LAMA2: variants seen among roughly 807,000 people sequenced by gnomAD.
LAMA2 encodes the protein laminin subunit alpha-2.
In LAMA2, 269 loss-of-function variants were observed where a neutral mutation model predicts 364.8. The ratio of observed to expected loss-of-function variants is 0.74; its 90% confidence interval spans 0.67 to 0.82. The LOEUF (loss-of-function observed/expected upper bound fraction) is 0.82. Among genes scored for constraint, LAMA2 ranks in the 40% least tolerant of loss-of-function variants. LAMA2 has a pLI of 0.00. For synonymous variants in LAMA2, 1,379 were observed against 1,370.6 expected (o/e 1.01, Z -0.14); for missense variants, 3,807 against 3,873.2 (o/e 0.98, Z 0.45).
In LAMA2 at chr6:129,297,862, A is replaced by C. The variant is rs1773291165; in HGVS notation, c.3034A>C (p.Thr1012Pro). 1.2e-6 allele frequency: 2 copies of C among 1,613,390 alleles called. No homozygotes were observed. The highest frequency in any genetic ancestry group is 1.3e-5 in the African/African-American group (1 of 75,042). The change falls in exon 21 of 65, where the codon ACA (threonine) becomes CCA (proline). Residue 1012 changes from threonine (T) to proline (P), a missense_variant. This residue lies in a region of LAMA2 where 3,333 missense variants were observed against 3,345.7 expected (regional missense o/e 1.00). Coordinates refer to ENST00000421865, the MANE Select transcript of LAMA2 (RefSeq NM_000426.4). ...GYFNFQEGGC[T>P]ACECSHLGNN... ...TTTCAACTTCCAAGAAGGAGGCTGC[A>C]CAGGTCTGTAAATATGACTTAAGTC...
chr6:129,022,715 G>A (rs1785519004), intron 1 of LAMA2, among the ~76,000 whole-genome samples: 1 of 151,982 alleles, frequency 6.6e-6, no homozygotes, highest in South Asian at 2.1e-4. Context: ...TCAATAATAA[G>A]CAAAAACAAT....
At chr6:129,230,929 C>T (rs1236301747) in intron 12 of LAMA2, among the ~76,000 whole-genome samples, 1 of 152,064 alleles carries the variant, frequency 6.6e-6, no homozygotes, top group African/African-American at 2.4e-5. Flanking sequence ...ACAAGTCTTT[C>T]TTTTATAGGA....
intron 29 of LAMA2, among the ~76,000 whole-genome samples, chr6:129,336,804 A>G (rs1775983873): frequency 1.3e-5 from 2 of 152,212 alleles, no homozygotes; most frequent in South Asian, 4.1e-4. Flanking sequence ...CACTCTAGTG[A>G]TATCTCCAAT....
At chr6:129,255,859 C>G (rs1450565601) in intron 14 of LAMA2, among the ~76,000 whole-genome samples, 1 of 152,136 alleles carries the variant, frequency 6.6e-6, no homozygotes, top group Admixed American at 6.5e-5. Flanking sequence ...ACTGATAACA[C>G]TAGGACTTAA....
intron 29 of LAMA2, among the ~76,000 whole-genome samples, chr6:129,330,568 G>A (rs1202532087): frequency 1.4e-5 from 2 of 144,542 alleles, no homozygotes; most frequent in Non-Finnish European, 3.0e-5. Context: ...GTCTCCATTT[G>A]AAGCGTTTTT....
chr6:129,494,723 C>G (rs1323801727), intron 58 of LAMA2, among the ~76,000 whole-genome samples: 1 of 152,156 alleles, frequency 6.6e-6, no homozygotes, highest in Non-Finnish European at 1.5e-5. Flanking sequence ...CTAAAGCATT[C>G]CTGAGATCTG....
intron 32 of LAMA2, among the ~76,000 whole-genome samples, chr6:129,356,484 T>C (rs570642767): frequency 1.3e-5 from 2 of 152,216 alleles, no homozygotes; most frequent in East Asian, 3.9e-4. Context: ...AACATTCCCA[T>C]TCCTTATCAT....
Position 129,266,961 on chromosome 6 carries a change from G to A in LAMA2, c.2209-145G>A, listed in dbSNP as rs2114344120. 6 of 731,640 alleles carry A rather than the reference G, an allele frequency of 8.2e-6. No homozygotes were observed. The East Asian group carries it at 1.5e-4, about 18-fold the overall frequency. The allele number at this position is 731,640 out of a possible 1,614,324, so 45.3% of individuals were successfully genotyped here. ...TCAGGAGGAATAGCTCTGTTGCAAT[G>A]TTTCAATAATGGCAATGCTTTGACA... On this transcript the variant is annotated intron_variant, in intron 15 of 64. Transcript: ENST00000421865.
intron 45 of LAMA2, among the ~76,000 whole-genome samples, chr6:129,450,826 T>G (rs1397658004): frequency 6.6e-6 from 1 of 152,200 alleles, no homozygotes; most frequent in East Asian, 1.9e-4. Context: ...TACTCATGAA[T>G]TCCAGTCAGA....
intron 35 of LAMA2, 74 bp downstream of exon 35, chr6:129,383,307 G>T: frequency 8.7e-7 from 1 of 1,145,276 alleles, no homozygotes; most frequent in South Asian, 1.3e-5. Context: ...CACAGGACTG[G>T]AATTTCTCTT....
intron 31 of LAMA2, among the ~76,000 whole-genome samples, chr6:129,351,569 A>G (rs114300920): frequency 2.0e-5 from 3 of 152,152 alleles, no homozygotes; most frequent in Non-Finnish European, 2.9e-5. Context: ...TAACCTTCCA[A>G]ATAAATTTGT....
At chr6:129,257,135 G>T (rs528407253) in intron 14 of LAMA2, among the ~76,000 whole-genome samples, 4 of 151,690 alleles carry the variant, frequency 2.6e-5, no homozygotes, top group Admixed American at 6.6e-5. Context: ...CTAAAATTTA[G>T]TACTATATTA....
chr6:129,052,228 C>T (rs1443131696), intron 2 of LAMA2, among the ~76,000 whole-genome samples: 2 of 150,622 alleles, frequency 1.3e-5, no homozygotes, highest in African/African-American at 2.4e-5. Context: ...CTCCGCCTCC[C>T]GGGTTCACGC....
At chr6:129,098,565 A>G in intron 4 of LAMA2, 150 bp downstream of exon 4, 1 of 908,228 alleles carries the variant, frequency 1.1e-6, no homozygotes. Flanking sequence ...AATAAAAAAG[A>G]AAAACCTGAG....
At chr6:129,200,340 G>T (rs921918757) in intron 12 of LAMA2, among the ~76,000 whole-genome samples, 6 of 116,274 alleles carry the variant, frequency 5.2e-5, no homozygotes, top group African/African-American at 2.5e-4. Flanking sequence ...ACATATACAC[G>T]TATATGTGTA....
chr6:129,187,683 T>C (rs182376626), intron 10 of LAMA2, among the ~76,000 whole-genome samples: 29 of 151,922 alleles, frequency 1.9e-4, no homozygotes, highest in Admixed American at 1.4e-3. Context: ...ACCAGAAATG[T>C]TTCCGATTTG....
At position 129,454,278 on chromosome 6, in the gene LAMA2, G is replaced by A. The variant is rs150945378; in HGVS notation, c.6697G>A (p.Val2233Ile). The change falls in exon 47 of 65, where the codon GTA becomes ATA. Residue 2233 changes from valine to isoleucine, a missense_variant. Physicochemically the swap from Val to Ile is conservative, Grantham distance 29. Around this residue, in one of 3 missense-constraint regions of LAMA2, gnomAD observed 3,333 missense variants for 3,345.7 expected, o/e 1.00. Transcript: ENST00000421865. ...TGATGACTCATATTGGTACCGTATC[G>A]TAGCATCAAGGTAACCAACTTAATA... ...TIDDSYWYRI[V>I]ASRTGRNGTI... The A allele has an allele frequency of 1.9e-4, 308 of 1,611,000 alleles. 1 individual carries two copies. In the African/African-American group the frequency reaches 3.0e-3, roughly 16 times the overall value.
chr6:129,209,207 C>T (rs1321031506), intron 12 of LAMA2, among the ~76,000 whole-genome samples: 1 of 152,044 alleles, frequency 6.6e-6, no homozygotes, highest in Non-Finnish European at 1.5e-5. Context: ...AGCAAAAATG[C>T]TTTATTTTGC....
chr6:129,042,013 A>AAAAAAT (rs1367921717), intron 1 of LAMA2, among the ~76,000 whole-genome samples: 2 of 149,928 alleles, frequency 1.3e-5, no homozygotes, highest in African/African-American at 4.9e-5. Flanking sequence ...AAAAAAAAAA[A>AAAAAAT]AATAGTTAAT....
Sources: allele counts gnomAD v4.1 joint callset (sites outside exome capture counted in the v4.1 genomes callset), GRCh38; gene constraint gnomAD v4.1.1; regional missense constraint gnomAD v4.1.1; transcripts MANE v1.5; gene names NCBI Gene and HGNC (gene_info 2026-07-23, HGNC 2026-07-21).